The following HCRTR2 variants were observed in gnomAD, a reference collection of about 807,000 sequenced individuals.
The protein encoded by HCRTR2 is orexin receptor type 2.
Under a neutral mutation model 49.0 loss-of-function variants are expected in HCRTR2, and 22 were observed. The observed-to-expected ratio is 0.45, with a 90% CI of 0.32 to 0.64. The LOEUF is 0.64. HCRTR2 is among the 30% of genes least tolerant of loss of function. The pLI is 0.04. For missense variants in HCRTR2, 491 were observed against 559.4 expected (o/e 0.88, Z 1.23); for synonymous variants, 236 against 205.3 (o/e 1.15, Z -1.28).
chr6:55,153,577 C>A (rs921311654), intron 1 of HCRTR2, among the ~76,000 whole-genome samples: 15 of 152,070 alleles, frequency 9.9e-5, no homozygotes, highest in African/African-American at 3.6e-4. Context: ...GTGACTATAT[C>A]TCTTTTTATG....
At chr6:55,246,477 G>A (rs1766445535) in intron 1 of HCRTR2, among the ~76,000 whole-genome samples, 1 of 151,880 alleles carries the variant, frequency 6.6e-6, no homozygotes, top group East Asian at 1.9e-4. Context: ...AATCAGAGAT[G>A]GTGCAGAGGT....
chr6:55,141,742 G>C (rs1282065890), intron 1 of HCRTR2, among the ~76,000 whole-genome samples: 1 of 152,082 alleles, frequency 6.6e-6, no homozygotes, highest in Non-Finnish European at 1.5e-5. Context: ...ACAGAATTTA[G>C]AGAAATAAGG....
At chr6:55,156,901 C>A (rs116663225) in intron 1 of HCRTR2, among the ~76,000 whole-genome samples, 1 of 152,086 alleles carries the variant, frequency 6.6e-6, no homozygotes, top group Non-Finnish European at 1.5e-5. Flanking sequence ...TTACAAAGAA[C>A]ATCTACAACG....
At chr6:55,169,068 T>C (rs1764914379) in intron 1 of HCRTR2, among the ~76,000 whole-genome samples, 2 of 151,688 alleles carry the variant, frequency 1.3e-5, no homozygotes, top group African/African-American at 4.8e-5. Context: ...TCTCTTCTGC[T>C]TGCATTTTCA....
chr6:55,142,953 G>A (rs1452626013), intron 1 of HCRTR2, among the ~76,000 whole-genome samples: 2 of 146,370 alleles, frequency 1.4e-5, no homozygotes, highest in Admixed American at 7.0e-5. Flanking sequence ...CAAATAAATA[G>A]ATGGATAGAG....
chr6:55,167,336 A>G (rs1210579295), intron 1 of HCRTR2, among the ~76,000 whole-genome samples: 1 of 152,162 alleles, frequency 6.6e-6, no homozygotes, highest in Non-Finnish European at 1.5e-5. Context: ...CTCTTTCACC[A>G]TAACTATATG....
In HCRTR2 at chr6:55,240,941, A is replaced by T. The variant is rs72979972; in HGVS notation, c.224-7698A>T. Reference sequence around the variant, plus strand: ...TAATTGAGATGGTGTTGGCCATTTTATCCTTCTTTTTTTTTGTTTTCTTTT... The same window carrying T: ...TAATTGAGATGGTGTTGGCCATTTTTTCCTTCTTTTTTTTTGTTTTCTTTT... On this transcript the variant is annotated intron_variant, in intron 1 of 6. Coordinates refer to ENST00000370862, the MANE Select transcript of HCRTR2 (RefSeq NM_001384272.1). 5.3e-3 allele frequency: 906 copies of T among 171,966 alleles called. 5 individuals carry two copies. The highest frequency in any genetic ancestry group is 7.6e-3 in the Non-Finnish European group (616 of 81,184). The allele number at this position is 171,966 out of a possible 1,614,324, so 10.7% of individuals were successfully genotyped here.
intron 1 of HCRTR2, among the ~76,000 whole-genome samples, chr6:55,187,411 C>CAAAAAAAAAAAAAAAA (rs57619664): frequency 2.0e-5 from 2 of 98,426 alleles, no homozygotes; most frequent in Non-Finnish European, 2.0e-5. Context: ...GACTCCGTCT[C>CAAAAAAAAAAAAAAAA]AAAAAAAAAA....
chr6:55,228,359 T>C (rs1158754786), intron 1 of HCRTR2, among the ~76,000 whole-genome samples: 1 of 152,188 alleles, frequency 6.6e-6, no homozygotes, highest in Non-Finnish European at 1.5e-5. Context: ...AATTTTAATA[T>C]GTAATATTGT....
intron 4 of HCRTR2, among the ~76,000 whole-genome samples, chr6:55,268,868 A>G (rs1488539845): frequency 1.3e-5 from 2 of 152,044 alleles, no homozygotes; most frequent in Non-Finnish European, 2.9e-5. Context: ...AGGCGGGTGG[A>G]TCACGAGGTC....
chr6:55,275,081 T>G (rs147580507), intron 4 of HCRTR2, among the ~76,000 whole-genome samples: 23 of 152,296 alleles, frequency 1.5e-4, no homozygotes, highest in African/African-American at 5.5e-4. Flanking sequence ...CATAATGTTT[T>G]TAATGTTTGT....
At chr6:55,243,984 T>C (rs1766383398) in intron 1 of HCRTR2, among the ~76,000 whole-genome samples, 4 of 152,060 alleles carry the variant, frequency 2.6e-5, no homozygotes, top group Admixed American at 2.6e-4. Flanking sequence ...TACTATTTAA[T>C]TGGTTAAAAA....
chr6:55,151,691 TA>T (rs1764667052), intron 1 of HCRTR2, among the ~76,000 whole-genome samples: 1 of 151,920 alleles, frequency 6.6e-6, no homozygotes, highest in African/African-American at 2.4e-5. Context: ...TAATGGCACC[TA>T]GAATGGTGGA....
intron 1 of HCRTR2, among the ~76,000 whole-genome samples, chr6:55,157,605 T>A (rs1273590016): frequency 6.6e-6 from 1 of 152,208 alleles, no homozygotes; most frequent in Non-Finnish European, 1.5e-5. Flanking sequence ...GGCTTCTAGT[T>A]TGACCCAGCA....
intron 1 of HCRTR2, among the ~76,000 whole-genome samples, chr6:55,146,470 A>T (rs1441767691): frequency 6.6e-6 from 1 of 152,152 alleles, no homozygotes; most frequent in Non-Finnish European, 1.5e-5. Flanking sequence ...ATTCCTGGGC[A>T]AATGCAAGAA....
intron 1 of HCRTR2, chr6:55,240,632 A>G (rs1766309762): frequency 5.4e-6 from 1 of 186,266 alleles, no homozygotes; most frequent in Non-Finnish European, 1.1e-5. Flanking sequence ...AGGAGGGCCA[A>G]TGCCGTAACA....
chr6:55,204,135 C>T (rs766704235), intron 1 of HCRTR2, among the ~76,000 whole-genome samples: 1 of 152,054 alleles, frequency 6.6e-6, no homozygotes, highest in African/African-American at 2.4e-5. Context: ...GCTGTGAGGG[C>T]CTAATCTGCT....
intron 1 of HCRTR2, among the ~76,000 whole-genome samples, chr6:55,234,907 G>A (rs1354513413): frequency 6.6e-6 from 1 of 152,102 alleles, no homozygotes; most frequent in Admixed American, 6.5e-5. Flanking sequence ...GTTAGTAACA[G>A]CCCTGTTTAC....
chr6:55,262,520 TTA>T (rs1230080103), intron 3 of HCRTR2, among the ~76,000 whole-genome samples: 2 of 131,312 alleles, frequency 1.5e-5, no homozygotes, highest in African/African-American at 2.9e-5. Context: ...AACTTATATA[TTA>T]TATATAATAT....
Sources: allele counts gnomAD v4.1 joint callset (sites outside exome capture counted in the v4.1 genomes callset), GRCh38; gene constraint gnomAD v4.1.1; transcripts MANE v1.5; gene names NCBI Gene and HGNC (gene_info 2026-07-23, HGNC 2026-07-21).